The following RPS29 variants were observed in gnomAD, a reference collection of about 807,000 sequenced individuals.
RPS29 encodes the protein small ribosomal subunit protein uS14.
For synonymous variants in RPS29, 37 were observed against 26.9 expected (o/e 1.37, Z -1.16); for missense variants, 60 against 75.7 (o/e 0.79, Z 0.77).
intron 1 of RPS29, 85 bp downstream of exon 1, chr14:49,586,200 C>T (rs568922731): frequency 2.0e-6 from 3 of 1,464,300 alleles, no homozygotes; most frequent in Admixed American, 1.7e-5. Flanking sequence ...CTCCCTCGTG[C>T]CGCCCGTGGC....
exon 3 of RPS29, chr14:49,575,676 C>G (rs1260277957): frequency 6.6e-6 from 1 of 152,020 alleles, no homozygotes; most frequent in African/African-American, 2.4e-5. Context: ...GTGAGACTTC[C>G]ATCTCTACGA....
chr14:49,581,443 C>A (rs1330549070), downstream of RPS29, among the ~76,000 whole-genome samples: 1 of 152,168 alleles, frequency 6.6e-6, no homozygotes, highest in Admixed American at 6.5e-5. Flanking sequence ...CTTCCCAAAC[C>A]TGGAAAGGCC....
upstream of RPS29, among the ~76,000 whole-genome samples, chr14:49,590,723 C>T (rs1392972832): frequency 2.0e-5 from 3 of 150,060 alleles, no homozygotes; most frequent in East Asian, 2.0e-4. Context: ...CGGAGTCTCA[C>T]TCTGTCACCC....
At chr14:49,576,741 C>G (rs956783026) in exon 3 of RPS29, 1 of 152,062 alleles carries the variant, frequency 6.6e-6, no homozygotes. Flanking sequence ...GGAGCGGTTT[C>G]CCCCATACTT....
chr14:49,592,892 G>A (rs866964268), intron 1 of RPS29, among the ~76,000 whole-genome samples: 3 of 145,130 alleles, frequency 2.1e-5, no homozygotes, highest in South Asian at 2.2e-4. Flanking sequence ...TGGGCAGCAA[G>A]AGCGAAACCG....
downstream of RPS29, among the ~76,000 whole-genome samples, chr14:49,582,162 G>A (rs1324964173): frequency 1.3e-5 from 2 of 152,138 alleles, no homozygotes; most frequent in African/African-American, 4.8e-5. Flanking sequence ...GCTGGGCACA[G>A]TAGTGCACAC....
At chr14:49,571,375 A>C (rs1037191463) in exon 3 of RPS29, 2 of 152,196 alleles carry the variant, frequency 1.3e-5, no homozygotes, top group African/African-American at 2.4e-5. Context: ...TATAGTAAAG[A>C]ATTTGACTGG....
chr14:49,578,457 T>C (rs1881245307), intron 2 of RPS29, among the ~76,000 whole-genome samples: 1 of 152,114 alleles, frequency 6.6e-6, no homozygotes, highest in Admixed American at 6.5e-5. Flanking sequence ...GTACTTGTTT[T>C]TTAACATAAT....
downstream of RPS29, among the ~76,000 whole-genome samples, chr14:49,582,012 C>CCAAAAAAGAAA (rs71115379): frequency 9.4e-6 from 1 of 106,534 alleles, no homozygotes; most frequent in African/African-American, 4.5e-5. Context: ...CCCTGCCCCC[C>CCAAAAAAGAAA]AAAAAAAAAA....
intron 2 of RPS29, 55 bp from the exon 3 acceptor site, chr14:49,583,730 T>C (rs1288418956): frequency 5.4e-6 from 6 of 1,119,738 alleles, no homozygotes; most frequent in Non-Finnish European, 8.0e-6. Flanking sequence ...CTCTACTTGA[T>C]TCTCACAAAA....
chr14:49,585,130 G>A (rs866836360), intron 2 of RPS29, among the ~76,000 whole-genome samples: 12 of 152,140 alleles, frequency 7.9e-5, no homozygotes, highest in African/African-American at 2.4e-4. Context: ...AGCACTTTGG[G>A]AGGCCGAAGC....
upstream of RPS29, among the ~76,000 whole-genome samples, chr14:49,588,749 G>C (rs541404765): frequency 6.6e-6 from 1 of 151,698 alleles, no homozygotes; most frequent in Non-Finnish European, 1.5e-5. Flanking sequence ...GGCTGGTCTC[G>C]AAGTCCTGAC....
At chr14:49,581,043 C>T (rs568908240), downstream of RPS29, among the ~76,000 whole-genome samples, 252 of 151,918 alleles carry the variant, frequency 1.7e-3, 1 homozygote, top group African/African-American at 5.8e-3. Flanking sequence ...CAAAATGAGC[C>T]GGGCATGGTG....
chr14:49,586,071 T>C (rs1040403290), intron 1 of RPS29, 22 bp from the exon 2 acceptor site: 12 of 1,602,144 alleles, frequency 7.5e-6, no homozygotes, highest in South Asian at 1.1e-5. Flanking sequence ...GAGACAGCGG[T>C]TTTGCAGGTC....
chr14:49,578,406 G>A lies in RPS29; in HGVS notation c.163-553C>T, dbSNP rs140003251. Among the ~76,000 whole-genome samples the A allele has an allele frequency of 3.3e-3, 507 of 152,070 alleles. 5 individuals are homozygous for A. Among genetic ancestry groups the A allele is most frequent in the African/African-American group, 0.012 (482 of 41,512 alleles). On this transcript the variant is annotated intron_variant, in intron 2 of 2. Coordinates refer to the RPS29 transcript ENST00000396020. ...ATCACATCACCCAAAGTCAAATGCT[G>A]CTAACATAATGACATGTTTCCTTCT... is the stretch of plus-strand genomic sequence containing the variant.
At chr14:49,580,912 G>T (rs1332491982), downstream of RPS29, among the ~76,000 whole-genome samples, 1 of 151,470 alleles carries the variant, frequency 6.6e-6, no homozygotes, top group African/African-American at 2.4e-5. Flanking sequence ...AATGCTGGGT[G>T]CGGTGGCTCA....
At chr14:49,590,468 T>G (rs141295054), upstream of RPS29, among the ~76,000 whole-genome samples, 1,728 of 151,908 alleles carry the variant, frequency 0.011, 13 homozygotes, top group Non-Finnish European at 0.017. Context: ...AGAGTGAGAT[T>G]CCGTCTCAAA....
downstream of RPS29, among the ~76,000 whole-genome samples, chr14:49,578,735 A>G (rs1881256964): frequency 6.6e-6 from 1 of 151,704 alleles, no homozygotes; most frequent in Non-Finnish European, 1.5e-5. Context: ...TAATTTTTGT[A>G]TTTTTAACAG....
At chr14:49,582,012 C>CAA (rs58507206), downstream of RPS29, among the ~76,000 whole-genome samples, 60 of 106,484 alleles carry the variant, frequency 5.6e-4, no homozygotes, top group East Asian at 0.011. Context: ...CCCTGCCCCC[C>CAA]AAAAAAAAAA....
Sources: gnomAD v4.1 joint callset for allele counts (sites outside exome capture counted in the v4.1 genomes callset) on GRCh38, gnomAD v4.1.1 for gene constraint, MANE v1.5 for transcripts, NCBI Gene and HGNC (gene_info 2026-07-23, HGNC 2026-07-21) for gene names.